Variants in DENND2A observed in about 807,000 individuals in gnomAD.
DENND2A encodes the protein DENN domain containing 2A, also known as DENN domain-containing protein 2A.
DENND2A carries 53 observed loss-of-function variants against 105.3 expected under a neutral mutation model. That is an observed-to-expected ratio of 0.50 (90% CI 0.40 to 0.63). The LOEUF is 0.63. Ranked by LOEUF, DENND2A falls within the 30% of genes least tolerant of loss-of-function variation. DENND2A has a pLI of 0.00. For synonymous variants in DENND2A, 522 were observed against 508.4 expected (o/e 1.03, Z -0.36); for missense variants, 1,138 against 1,279.6 (o/e 0.89, Z 1.69).
At chr7:140,610,171 A>G (rs1222814971) in intron 1 of DENND2A, among the ~76,000 whole-genome samples, 3 of 151,276 alleles carry the variant, frequency 2.0e-5, no homozygotes, top group African/African-American at 7.3e-5. Flanking sequence ...GGGTTTCACT[A>G]TGTCACCTAG....
At chr7:140,611,361 A>T (rs1314369173) in intron 1 of DENND2A, among the ~76,000 whole-genome samples, 1 of 151,994 alleles carries the variant, frequency 6.6e-6, no homozygotes. Flanking sequence ...GCAAGAACCC[A>T]TCTCTACAAA....
intron 1 of DENND2A, among the ~76,000 whole-genome samples, chr7:140,611,547 A>G (rs182189490): frequency 1.1e-4 from 17 of 152,254 alleles, no homozygotes; most frequent in South Asian, 2.1e-4. Context: ...CAAAATAAAT[A>G]AATACATAAA....
chr7:140,630,236 G>A (rs1175833820), intron 1 of DENND2A, among the ~76,000 whole-genome samples: 1 of 151,740 alleles, frequency 6.6e-6, no homozygotes, highest in Non-Finnish European at 1.5e-5. Flanking sequence ...TCAGCCTCCT[G>A]AGTGGCTGGG....
rs1225848351 is a variant in DENND2A at position 140,527,610 on chromosome 7, G to C, written c.2328-115C>G. On this transcript the variant is annotated intron_variant, in intron 14 of 19. Coordinates refer to ENST00000496613, the MANE Select transcript of DENND2A (RefSeq NM_015689.5). This position sits in a 1 kb window ranked among gnomAD's most constrained non-coding sequence, Gnocchi z 4.9. ...TGACTAGGAAAGGACACACGTGGAT[G>C]TGGATCCGGTGGAGCACATGATGGT... The C allele has an allele frequency of 9.2e-7, 1 of 1,087,648 alleles. No homozygotes were observed. Among genetic ancestry groups the C allele is most frequent in the Non-Finnish European group, 1.3e-6 (1 of 776,848 alleles). 67.4% of individuals were successfully genotyped at this position (1,087,648 alleles called of 1,614,324 possible). A position where few individuals can be genotyped will look rare whatever the true frequency, so the allele number is the denominator to read the frequency against.
At chr7:140,587,123 C>CT (rs1233093459) in intron 4 of DENND2A, among the ~76,000 whole-genome samples, 2 of 152,204 alleles carry the variant, frequency 1.3e-5, no homozygotes, top group Non-Finnish European at 2.9e-5. Flanking sequence ...GTGCCACACT[C>CT]TGACAGTTTC....
Position 140,567,199 on chromosome 7 carries a change from G to T in DENND2A, c.1666C>A (p.Leu556Ile). The T allele has an allele frequency of 6.2e-7, 1 of 1,613,904 alleles. No homozygotes were observed. Among genetic ancestry groups the T allele is most frequent in the Non-Finnish European group, 8.5e-7 (1 of 1,179,974 alleles). ...APRYPSLARE[L>I]IEYQERQLFE... The stretch of plus-strand genomic sequence containing the variant: ...AGCTGCCTCTCCTGGTACTCGATGA[G>T]TTCCCGGGCAAGTGATGGGTACCGA... Residue 556 changes from leucine (L) to isoleucine (I), a missense_variant, in exon 9 of 20, where the codon CTC becomes ATC. This residue lies in a region of DENND2A where 627 missense variants were observed against 779.8 expected (regional missense o/e 0.80). Transcript: ENST00000496613.
chr7:140,534,231 C>T (rs1453781038), intron 14 of DENND2A, among the ~76,000 whole-genome samples: 3 of 151,704 alleles, frequency 2.0e-5, no homozygotes, highest in South Asian at 4.2e-4. Flanking sequence ...ATTACAGGCA[C>T]GTGCCACCAC....
In DENND2A at chr7:140,601,691, T is replaced by C; in HGVS notation, c.707A>G (p.Lys236Arg). 1 of 1,614,022 alleles carries C rather than the reference T, an allele frequency of 6.2e-7. No homozygotes were observed. Among genetic ancestry groups the C allele is most frequent in the Non-Finnish European group, 8.5e-7 (1 of 1,179,970 alleles). The change falls in exon 3 of 20, where the codon AAA becomes AGA. Residue 236 changes from lysine (K) to arginine (R), a missense_variant. Lys to Arg is a conservative substitution (Grantham distance 26). Coordinates refer to ENST00000496613, the MANE Select transcript of DENND2A (RefSeq NM_015689.5). ...EPTPELVEDR[K>R]GSCRRPWDRS... ...GTCCCAGGGCCTTCTGCATGAACCTTTCCTGTCCTCCACAAGCTCAGGGGT... is the reference window on the plus strand; with the variant it reads ...GTCCCAGGGCCTTCTGCATGAACCTCTCCTGTCCTCCACAAGCTCAGGGGT...
At position 140,525,775 on chromosome 7, in the gene DENND2A, G is replaced by T; in HGVS notation, c.2523C>A (p.Leu841=). The change falls in exon 16 of 20, where the codon CTC becomes CTA. Residue 841 remains leucine (L), a synonymous_variant. Transcript: ENST00000496613. ...LPLEEVLVVD[L]VNSRFLRQMD... is the part of the protein sequence containing the mutation. ...CCTGTCTGAGGAACCGGCTGTTGACGAGGTCAACCACAAGGACCTATGAGA... is the reference window on the plus strand; with the variant it reads ...CCTGTCTGAGGAACCGGCTGTTGACTAGGTCAACCACAAGGACCTATGAGA... 1.2e-6 allele frequency: 2 copies of T among 1,605,852 alleles called. No individual in the cohort carries two copies. The highest frequency in any genetic ancestry group is 1.3e-5 in the African/African-American group (1 of 74,770).
chr7:140,605,097 C>T (rs78973217), intron 2 of DENND2A, among the ~76,000 whole-genome samples: 1,990 of 152,264 alleles, frequency 0.013, 33 homozygotes, highest in African/African-American at 0.044. Context: ...ACAAAACTCA[C>T]GCAACAGAGG....
Position 140,544,644 on chromosome 7 carries a change from C to T in DENND2A, c.2301G>A (p.Arg767=), listed in dbSNP as rs775660045. 12 of 1,614,044 alleles carry T rather than the reference C, an allele frequency of 7.4e-6. No individual in the cohort carries two copies. The highest frequency in any genetic ancestry group is 8.5e-6 in the Non-Finnish European group (10 of 1,180,010). Residue 767 remains arginine (R), a synonymous_variant, in exon 14 of 20, where the codon AGG becomes AGA. Transcript: ENST00000496613. ...CVFASLLLER[R]VIFIADKLSI... is the part of the protein sequence containing the mutation. ...TGAGCTTGTCTGCAATGAAGATGAC[C>T]CTCCTCTCCAGAAGCAGGGAGGCAA...
In DENND2A at chr7:140,567,078, C is replaced by T. The variant is rs372533488; in HGVS notation, c.1779+8G>A. 511 of 1,572,266 alleles carry T rather than the reference C, an allele frequency of 3.3e-4. No individual in the cohort carries two copies. Among genetic ancestry groups the T allele is most frequent in the Middle Eastern group, 5.0e-4 (3 of 6,022 alleles). ...TGGCAGGCCACAGGGACCTGGCCAC[C>T]CTGTTACCTTCAGAGGGAACTGTTG... On this transcript the variant is annotated splice_region_variant and intron_variant, in intron 9 of 19. Coordinates refer to ENST00000496613, the MANE Select transcript of DENND2A (RefSeq NM_015689.5).
At chr7:140,579,687 C>A (rs1335830149) in intron 5 of DENND2A, among the ~76,000 whole-genome samples, 1 of 152,298 alleles carries the variant, frequency 6.6e-6, no homozygotes, top group Non-Finnish European at 1.5e-5. Flanking sequence ...TGTATACACA[C>A]ATGCACACAA....
rs566759204 is a variant in DENND2A, at chr7:140,539,471, T to A, written c.2327+5147A>T. Among the ~76,000 whole-genome samples the A allele has an allele frequency of 6.6e-5, 10 of 152,292 alleles. 3 individuals carry two copies. Among genetic ancestry groups the A allele is most frequent in the African/African-American group, 2.4e-4 (10 of 41,558 alleles). On this transcript the variant is annotated intron_variant, in intron 14 of 19. Transcript: ENST00000496613. ...GAGCACAAAGCGGGTCCTGAGGGCC[T>A]GTGCTAGGGAGACTTTCCTTATACA...
chr7:140,568,697 G>A (rs1797969940), intron 8 of DENND2A, 66 bp downstream of exon 8: 5 of 1,535,094 alleles, frequency 3.3e-6, no homozygotes, highest in Non-Finnish European at 4.5e-6. Flanking sequence ...ATACTAAGGA[G>A]GAGGGGCCAC....
intron 11 of DENND2A, among the ~76,000 whole-genome samples, chr7:140,557,509 G>GTGTATA (rs1554467279): frequency 3.6e-4 from 6 of 16,766 alleles, no homozygotes; most frequent in African/African-American, 8.2e-4. Context: ...TTATTTTTTA[G>GTGTATA]TATATATATA....
At chr7:140,554,028 C>T (rs1279467401) in intron 12 of DENND2A, among the ~76,000 whole-genome samples, 1 of 151,952 alleles carries the variant, frequency 6.6e-6, no homozygotes, top group African/African-American at 2.4e-5. Context: ...GAGATCAAGA[C>T]CATCCTGGCC....
At chr7:140,563,226 T>A (rs547140216) in intron 9 of DENND2A, among the ~76,000 whole-genome samples, 80 of 152,222 alleles carry the variant, frequency 5.3e-4, no homozygotes, top group Non-Finnish European at 9.0e-4. Flanking sequence ...AGTCACTACT[T>A]GCATGCACCC....
intron 1 of DENND2A, among the ~76,000 whole-genome samples, chr7:140,627,597 C>T (rs1333951504): frequency 3.3e-5 from 5 of 152,076 alleles, no homozygotes; most frequent in East Asian, 3.9e-4. Flanking sequence ...TCACAGTTCA[C>T]TGCAGCCTCA....
Sources: allele counts gnomAD v4.1 joint callset (sites outside exome capture counted in the v4.1 genomes callset), GRCh38; gene constraint gnomAD v4.1.1; regional missense constraint gnomAD v4.1.1; non-coding constraint Gnocchi (gnomAD v3.1); transcripts MANE v1.5; gene names NCBI Gene and HGNC (gene_info 2026-07-23, HGNC 2026-07-21).